Variants in SENP5 observed in about 807,000 individuals in gnomAD.
SENP5 encodes sentrin-specific protease 5.
Under a neutral mutation model 74.2 loss-of-function variants are expected in SENP5, and 21 were observed. The observed-to-expected ratio is 0.28, with a 90% CI of 0.20 to 0.41. The LOEUF (loss-of-function observed/expected upper bound fraction) is 0.41. SENP5 is among the 10% of genes least tolerant of loss of function. SENP5 has a pLI of 1.00. For synonymous variants in SENP5, 311 were observed against 312.7 expected (o/e 0.99, Z 0.06); for missense variants, 717 against 889.1 (o/e 0.81, Z 2.46).
At chr3:196,928,658 C>T (rs1323665828) in intron 8 of SENP5, among the ~76,000 whole-genome samples, 1 of 152,184 alleles carries the variant, frequency 6.6e-6, no homozygotes, top group Admixed American at 6.5e-5. Context: ...GATCTTGAAA[C>T]AAACCTTTAA....
At chr3:196,874,677 C>T (rs529750688) in intron 1 of SENP5, among the ~76,000 whole-genome samples, 2 of 152,056 alleles carry the variant, frequency 1.3e-5, no homozygotes, top group African/African-American at 2.4e-5. Flanking sequence ...GGTCAGAGGT[C>T]GAGACCAGCC....
intron 6 of SENP5, among the ~76,000 whole-genome samples, chr3:196,918,590 A>G (rs1715483487): frequency 6.6e-6 from 1 of 152,096 alleles, no homozygotes; most frequent in Non-Finnish European, 1.5e-5. Context: ...GCAAAGAAGG[A>G]AGGGAGGAAG....
chr3:196,907,268 T>C (rs1297452762), intron 6 of SENP5, among the ~76,000 whole-genome samples: 1 of 151,890 alleles, frequency 6.6e-6, no homozygotes, highest in Non-Finnish European at 1.5e-5. Flanking sequence ...GGTCAGGAGA[T>C]AGAGACCATC....
chr3:196,930,362 C>G (rs899191060), intron 9 of SENP5, among the ~76,000 whole-genome samples: 1 of 152,128 alleles, frequency 6.6e-6, no homozygotes, highest in Non-Finnish European at 1.5e-5. Context: ...AGTATTGGGT[C>G]AGGAGGGAGA....
intron 2 of SENP5, among the ~76,000 whole-genome samples, chr3:196,892,293 G>A (rs1332892202): frequency 2.0e-5 from 3 of 151,896 alleles, no homozygotes; most frequent in Non-Finnish European, 4.4e-5. Context: ...ACAGAGGTGC[G>A]CCACTATATG....
chr3:196,899,078 CA>C (rs10709079), intron 2 of SENP5, among the ~76,000 whole-genome samples: 57,055 of 108,058 alleles, frequency 0.53, 11,931 homozygotes, highest in South Asian at 0.61. Context: ...GACGCCATCT[CA>C]AAAAAAAAAA....
chr3:196,886,191 A>G lies in SENP5; in HGVS notation c.1010A>G (p.Glu337Gly), dbSNP rs1160881673. The change falls in exon 2 of 10, where the codon GAG becomes GGG. Residue 337 changes from glutamate to glycine, a missense_variant. Physicochemically the swap from Glu to Gly is moderately conservative, Grantham distance 98. Transcript: ENST00000323460. Reference sequence around the variant, plus strand: ...AAAGGAAGCTCTTTCTTGGGCAAGGAGCTTAGTTTAGACGAAGCATTCCCT... The same window carrying G: ...AAAGGAAGCTCTTTCTTGGGCAAGGGGCTTAGTTTAGACGAAGCATTCCCT... ...HTKGSSFLGK[E>G]LSLDEAFPDQ... is the part of the protein sequence containing the mutation. 5.0e-6 allele frequency: 8 copies of G among 1,614,202 alleles called. No individual in the cohort carries two copies. In the South Asian group the frequency reaches 7.7e-5, roughly 16 times the overall value.
chr3:196,882,649 A>G (rs1166424541), intron 1 of SENP5, among the ~76,000 whole-genome samples: 1 of 152,056 alleles, frequency 6.6e-6, no homozygotes, highest in East Asian at 1.9e-4. Flanking sequence ...GATTACAGGC[A>G]TGCACCACCA....
chr3:196,897,528 A>C (rs990480237), intron 2 of SENP5, among the ~76,000 whole-genome samples: 1 of 152,062 alleles, frequency 6.6e-6, no homozygotes, highest in Non-Finnish European at 1.5e-5. Flanking sequence ...ATTGAGAGGT[A>C]CTCTGGTGGG....
chr3:196,903,634 T>C (rs1714787228), intron 6 of SENP5, 24 bp downstream of exon 6: 2 of 1,489,392 alleles, frequency 1.3e-6, no homozygotes, highest in Middle Eastern at 3.7e-4. Flanking sequence ...TTCTTTTTTA[T>C]TCCAAATTTG....
intron 7 of SENP5, among the ~76,000 whole-genome samples, chr3:196,925,383 C>T (rs1169808403): frequency 6.6e-6 from 1 of 152,198 alleles, no homozygotes; most frequent in Non-Finnish European, 1.5e-5. Context: ...TTCCAGTTCC[C>T]TTCCCCTAAT....
chr3:196,900,215 C>A (rs994169860), intron 4 of SENP5, 150 bp from the exon 5 acceptor site: 1 of 1,144,406 alleles, frequency 8.7e-7, no homozygotes, highest in South Asian at 1.7e-5. Context: ...GGTTTGATTA[C>A]TATTGGCAGT....
chr3:196,870,200 A>G lies in SENP5; in HGVS notation c.-32+2127A>G, dbSNP rs75835708. ...GTCACTGATTTAAAGAATTTGGTAGACGCTCAGAAAGGGTCAACTGGTAAG... is the reference window on the plus strand; with the variant it reads ...GTCACTGATTTAAAGAATTTGGTAGGCGCTCAGAAAGGGTCAACTGGTAAG... On this transcript the variant is annotated intron_variant, in intron 1 of 9. Transcript: ENST00000323460. 1.2e-3 allele frequency among the ~76,000 whole-genome samples: 190 copies of G among 152,284 alleles called. 7 individuals carry two copies. In the East Asian group the frequency reaches 0.031, roughly 25 times the overall value.
At chr3:196,911,902 T>C (rs1186427174) in intron 6 of SENP5, among the ~76,000 whole-genome samples, 3 of 152,138 alleles carry the variant, frequency 2.0e-5, no homozygotes. Context: ...GAGTCAGAAA[T>C]GACAATTATT....
At position 196,900,121 on chromosome 3, in the gene SENP5, T is replaced by C. The variant is rs557027484; in HGVS notation, c.1758+59T>C. 7 of 1,564,150 alleles carry C rather than the reference T, an allele frequency of 4.5e-6. No homozygotes were observed. The African/African-American group carries it at 5.5e-5, about 12-fold the overall frequency. On this transcript the variant is annotated intron_variant, in intron 4 of 9. Coordinates refer to ENST00000323460, the MANE Select transcript of SENP5 (RefSeq NM_152699.5). Reference sequence around the variant, plus strand: ...TTGCAGAGGATGTTAGTCAATAAAATATAATCTCTAGTTTGGCTTCTCAGT... The same window carrying C: ...TTGCAGAGGATGTTAGTCAATAAAACATAATCTCTAGTTTGGCTTCTCAGT...
At chr3:196,881,267 A>G (rs1296035154) in intron 1 of SENP5, among the ~76,000 whole-genome samples, 3 of 152,168 alleles carry the variant, frequency 2.0e-5, no homozygotes, top group Admixed American at 6.6e-5. Flanking sequence ...ATATTTTGCT[A>G]TTATAAACAA....
At chr3:196,892,965 T>C (rs1230089727) in intron 2 of SENP5, among the ~76,000 whole-genome samples, 2 of 152,240 alleles carry the variant, frequency 1.3e-5, no homozygotes, top group Non-Finnish European at 2.9e-5. Flanking sequence ...GTTGATGCCA[T>C]GTCTTGGCTA....
chr3:196,880,764 C>G (rs1454771934), intron 1 of SENP5, among the ~76,000 whole-genome samples: 1 of 150,628 alleles, frequency 6.6e-6, no homozygotes, highest in Non-Finnish European at 1.5e-5. Flanking sequence ...GCCTCAGTCT[C>G]CCGAGTAGCT....
chr3:196,914,616 TAC>T (rs1175531798), intron 6 of SENP5: 6 of 120,816 alleles, frequency 5.0e-5, no homozygotes, highest in Non-Finnish European at 6.8e-5. Flanking sequence ...TATATATGTC[TAC>T]ACACACATAC....
Sources: gnomAD v4.1 joint callset for allele counts (sites outside exome capture counted in the v4.1 genomes callset) on GRCh38, gnomAD v4.1.1 for gene constraint, MANE v1.5 for transcripts, NCBI Gene and HGNC (gene_info 2026-07-23, HGNC 2026-07-21) for gene names.